TMEM178B: variants seen among roughly 807,000 people sequenced by gnomAD.
TMEM178B encodes transmembrane protein 178B.
TMEM178B carries 5 observed loss-of-function variants against 31.0 expected under a neutral mutation model. The ratio of observed to expected loss-of-function variants is 0.16; its 90% CI spans 0.08 to 0.34. The LOEUF (loss-of-function observed/expected upper bound fraction) is 0.34, where lower values mean the gene tolerates loss of function less well. TMEM178B is among the 10% of genes least tolerant of loss of function. TMEM178B has a pLI of 1.00. For synonymous variants in TMEM178B, 164 were observed against 164.0 expected (o/e 1.00, Z 0.00); for missense variants, 275 against 400.3 (o/e 0.69, Z 2.67).
At chr7:141,361,586 G>A (rs1799919776) in intron 2 of TMEM178B, among the ~76,000 whole-genome samples, 1 of 152,070 alleles carries the variant, frequency 6.6e-6, no homozygotes, top group Non-Finnish European at 1.5e-5. Context: ...GGCAATATTA[G>A]GCCTGCATGA....
chr7:141,191,146 T>C (rs1452270835), intron 1 of TMEM178B, among the ~76,000 whole-genome samples: 1 of 152,220 alleles, frequency 6.6e-6, no homozygotes, highest in Non-Finnish European at 1.5e-5. Context: ...ACACCTTGCT[T>C]ATTTTCATTT....
chr7:141,259,447 T>C (rs1797980204), intron 2 of TMEM178B, among the ~76,000 whole-genome samples: 1 of 152,222 alleles, frequency 6.6e-6, no homozygotes, highest in Admixed American at 6.5e-5. Flanking sequence ...AGTCATTTTA[T>C]ATTGACTGCT....
At chr7:141,114,308 A>G (rs753587058) in intron 1 of TMEM178B, among the ~76,000 whole-genome samples, 11 of 151,894 alleles carry the variant, frequency 7.2e-5, no homozygotes, top group Non-Finnish European at 1.5e-4. Context: ...GCTGCACTGT[A>G]TATCTGTATA....
intron 2 of TMEM178B, among the ~76,000 whole-genome samples, chr7:141,408,726 G>A (rs1800929718): frequency 6.6e-6 from 1 of 152,200 alleles, no homozygotes; most frequent in South Asian, 2.1e-4. Context: ...AGATAGGTAT[G>A]GGGAACTGAA....
At position 141,381,151 on chromosome 7, in the gene TMEM178B, G is replaced by A. The variant is rs545398143; in HGVS notation, c.497-56457G>A. On this transcript the variant is annotated intron_variant, in intron 2 of 3. Transcript: ENST00000565468. ...TTGAAGTTGGGGCAAATGTAGCATCGATGTGACTGTAATCTTTACATGGAA... is the reference window on the plus strand; with the variant it reads ...TTGAAGTTGGGGCAAATGTAGCATCAATGTGACTGTAATCTTTACATGGAA... Among the ~76,000 whole-genome samples the A allele has an allele frequency of 3.9e-5, 6 of 152,276 alleles. No homozygotes were observed. In the South Asian group the frequency reaches 1.2e-3, roughly 32 times the overall value.
rs1441734162 is a variant in TMEM178B, at chr7:141,173,850, A to AT, written c.383-38740dup. Reference sequence around the variant, plus strand: ...TGACTCAACTCCATATATAGACTTAATAGGGGCCAGCATTGTGTTTTGTGC... The same window carrying AT: ...TGACTCAACTCCATATATAGACTTAATTAGGGGCCAGCATTGTGTTTTGTGC... On this transcript the variant is annotated intron_variant, in intron 1 of 3. Transcript: ENST00000565468. Among the ~76,000 whole-genome samples the AT allele has an allele frequency of 8.5e-5, 13 of 152,300 alleles. No homozygotes were observed. In the East Asian group the frequency reaches 2.5e-3, roughly 29 times the overall value.
At chr7:141,423,805 G>GT (rs5888005) in intron 2 of TMEM178B, among the ~76,000 whole-genome samples, 30,177 of 108,906 alleles carry the variant, frequency 0.28, 4,713 homozygotes, top group Non-Finnish European at 0.32. Context: ...TGACATTTGT[G>GT]TTTTTTTTTT....
At chr7:141,138,736 A>G (rs1285343550) in intron 1 of TMEM178B, among the ~76,000 whole-genome samples, 2 of 152,016 alleles carry the variant, frequency 1.3e-5, no homozygotes, top group African/African-American at 4.8e-5. Flanking sequence ...TAATCCCAGC[A>G]CTTTGGGAGG....
rs552457559 is a variant in TMEM178B at position 141,392,230 on chromosome 7, A to G, written c.497-45378A>G. ...AATGCAATTTGATTGATGATCTTAC[A>G]TATAGTATGAGATAGAGAGACAAAG... On this transcript the variant is annotated intron_variant, in intron 2 of 3. Transcript: ENST00000565468. 3.9e-5 allele frequency among the ~76,000 whole-genome samples: 6 copies of G among 152,340 alleles called. No individual in the cohort carries two copies. In the South Asian group the frequency reaches 1.0e-3, roughly 26 times the overall value.
At chr7:141,431,539 A>T (rs566796874) in intron 2 of TMEM178B, among the ~76,000 whole-genome samples, 3 of 152,284 alleles carry the variant, frequency 2.0e-5, no homozygotes, top group Non-Finnish European at 2.9e-5. Flanking sequence ...TCATTTCAAA[A>T]ATTAGAATGT....
At chr7:141,218,292 G>T (rs1436378153) in intron 2 of TMEM178B, among the ~76,000 whole-genome samples, 2 of 152,164 alleles carry the variant, frequency 1.3e-5, no homozygotes, top group African/African-American at 4.8e-5. Context: ...AGCCTGGCTG[G>T]CAGAGGGAGG....
the TMEM178B span, among the ~76,000 whole-genome samples, chr7:141,501,507 C>T: frequency 6.6e-6 from 1 of 152,044 alleles, no homozygotes; most frequent in Non-Finnish European, 1.5e-5. Flanking sequence ...CTTGGCTAAG[C>T]GATGGTGCCC....
At chr7:141,213,261 G>T (rs1797077691) in intron 2 of TMEM178B, among the ~76,000 whole-genome samples, 1 of 152,210 alleles carries the variant, frequency 6.6e-6, no homozygotes, top group African/African-American at 2.4e-5. Flanking sequence ...CCTCAGCAAA[G>T]ATCAGAATAT....
In TMEM178B at chr7:141,347,866, C is replaced by T. The variant is rs527700834; in HGVS notation, c.497-89742C>T. On this transcript the variant is annotated intron_variant, in intron 2 of 3. Transcript: ENST00000565468. ...GAAAGTGTGTGTAATGTAATGAATG[C>T]GACCTCAGGACAAACAACTGGGACA... Among the ~76,000 whole-genome samples, 4 of 152,252 alleles carry T rather than the reference C, an allele frequency of 2.6e-5. No homozygotes were observed. In the East Asian group the frequency reaches 5.8e-4, roughly 22 times the overall value.
intron 2 of TMEM178B, among the ~76,000 whole-genome samples, chr7:141,247,047 C>T (rs1433896153): frequency 6.6e-6 from 1 of 152,222 alleles, no homozygotes; most frequent in Middle Eastern, 3.4e-3. Flanking sequence ...GGACTTTTCC[C>T]AGTATCTAGA....
chr7:141,221,539 C>T (rs1007923189), intron 2 of TMEM178B, among the ~76,000 whole-genome samples: 4 of 152,176 alleles, frequency 2.6e-5, no homozygotes, highest in Non-Finnish European at 4.4e-5. Flanking sequence ...AAAGCCCCAG[C>T]TTTACAAGAA....
intron 2 of TMEM178B, among the ~76,000 whole-genome samples, chr7:141,384,637 A>C (rs1224921700): frequency 6.6e-6 from 1 of 152,224 alleles, no homozygotes; most frequent in African/African-American, 2.4e-5. Flanking sequence ...TACAGTTTGA[A>C]GTCAGGTAGC....
intron 2 of TMEM178B, among the ~76,000 whole-genome samples, chr7:141,337,017 TCACCAC>T (rs1799416323): frequency 5.4e-5 from 1 of 18,588 alleles, no homozygotes; most frequent in Non-Finnish European, 9.5e-5. Context: ...ACCACCACCA[TCACCAC>T]CATCACCACC....
Position 141,174,125 on chromosome 7 carries a change from CT to C in TMEM178B, c.383-38465del, listed in dbSNP as rs374133098. 1.9e-3 allele frequency among the ~76,000 whole-genome samples: 288 copies of C among 152,260 alleles called. 4 individuals carry two copies. The highest frequency in any genetic ancestry group is 6.6e-3 in the African/African-American group (274 of 41,542). On this transcript the variant is annotated intron_variant, in intron 1 of 3. Transcript: ENST00000565468. The stretch of plus-strand genomic sequence containing the variant: ...GCTCCCCTAGCACCACCCCCACCCC[CT>C]GACAGGCCCCAGTGTGTGACGTTCC...
Sources: gnomAD v4.1 joint callset for allele counts (sites outside exome capture counted in the v4.1 genomes callset) on GRCh38, gnomAD v4.1.1 for gene constraint, MANE v1.5 for transcripts, NCBI Gene and HGNC (gene_info 2026-07-23, HGNC 2026-07-21) for gene names.